The following SDR16C5 variants were observed in gnomAD, a reference collection of about 807,000 sequenced individuals.
The protein encoded by SDR16C5 is short chain dehydrogenase/reductase family 16C member 5.
A neutral mutation model predicts 27.7 loss-of-function variants in SDR16C5; 20 were observed. That is an observed-to-expected ratio of 0.72 (90% CI 0.51 to 1.05). The LOEUF (loss-of-function observed/expected upper bound fraction) is 1.05. Among genes scored for constraint, SDR16C5 ranks in the 50% least tolerant of loss-of-function variants. The pLI, the probability that SDR16C5 is intolerant of heterozygous loss-of-function variation, is 0.00. For synonymous variants in SDR16C5, 139 were observed against 132.3 expected (o/e 1.05, Z -0.35); for missense variants, 374 against 366.3 (o/e 1.02, Z -0.17).
chr8:56,301,308 A>G lies in SDR16C5; in HGVS notation c.*172T>C, dbSNP rs1814747648. On this transcript the variant is annotated 3_prime_UTR_variant, in exon 7 of 7. Transcript: ENST00000303749. ...ACCAAAACTCAACCAAATAGGTGAT[A>G]GCAACATTATTTTCAAACACATTGA... is the stretch of plus-strand genomic sequence containing the variant. 3.6e-6 allele frequency: 2 copies of G among 561,480 alleles called. No individual in the cohort carries two copies. Among genetic ancestry groups the G allele is most frequent in the Non-Finnish European group, 3.2e-6 (1 of 312,988 alleles). 34.8% of individuals were successfully genotyped at this position (561,480 alleles called of 1,614,324 possible).
intron 2 of SDR16C5, among the ~76,000 whole-genome samples, chr8:56,312,836 G>A (rs1029794497): frequency 6.7e-6 from 1 of 149,006 alleles, no homozygotes; most frequent in Non-Finnish European, 1.5e-5. Context: ...GAGTGCAGTG[G>A]CACGATCTTG....
intron 5 of SDR16C5, among the ~76,000 whole-genome samples, chr8:56,306,059 T>C (rs1049622726): frequency 2.0e-5 from 3 of 152,210 alleles, no homozygotes; most frequent in Non-Finnish European, 2.9e-5. Context: ...GAATTGGGCA[T>C]CTGTGACTGC....
rs1466427951 is a variant in SDR16C5, at chr8:56,306,803, A to G, written c.583T>C (p.Phe195Leu). The change falls in exon 5 of 7, where the codon TTT becomes CTT. Residue 195 changes from phenylalanine (F) to leucine (L), a missense_variant. By Grantham distance (22) the Phe-to-Leu change is conservative (BLOSUM62 0). Transcript: ENST00000303749. ...GATTCAGCAAACCCAAAGGCTGCAA[A>G]TTTACTTGCACAGTAATCTGAAAAA... Reference protein sequence around the residue: ...NGLADYCASKFAAFGFAESVF... With the variant: ...NGLADYCASKLAAFGFAESVF... The G allele has an allele frequency of 6.2e-7, 1 of 1,611,182 alleles. No individual in the cohort carries two copies. Among genetic ancestry groups the G allele is most frequent in the Admixed American group, 1.7e-5 (1 of 59,370 alleles).
chr8:56,312,908 C>T (rs1815086143), intron 2 of SDR16C5, among the ~76,000 whole-genome samples: 1 of 151,654 alleles, frequency 6.6e-6, no homozygotes, highest in African/African-American at 2.4e-5. Context: ...TCCCAAGTAG[C>T]TAGGACTACA....
intron 1 of SDR16C5, among the ~76,000 whole-genome samples, chr8:56,317,671 T>C (rs576134647): frequency 1.3e-5 from 2 of 152,322 alleles, no homozygotes; most frequent in African/African-American, 4.8e-5. Flanking sequence ...CAGGAGGACT[T>C]GGTATGTGGT....
At chr8:56,318,921 T>G (rs1268044821) in intron 1 of SDR16C5, among the ~76,000 whole-genome samples, 1 of 152,118 alleles carries the variant, frequency 6.6e-6, no homozygotes, top group Non-Finnish European at 1.5e-5. Context: ...TCCAGATATA[T>G]CACTGATTTT....
At chr8:56,309,135 A>G in intron 3 of SDR16C5, 108 bp from the exon 4 acceptor site, 1 of 966,350 alleles carries the variant, frequency 1.0e-6, no homozygotes, top group East Asian at 3.0e-5. Context: ...CAGCCTGTAA[A>G]ATATCTGAAG....
intron 3 of SDR16C5, among the ~76,000 whole-genome samples, chr8:56,311,549 C>G (rs569360983): frequency 3.9e-5 from 6 of 152,310 alleles, no homozygotes; most frequent in African/African-American, 1.4e-4. Context: ...CAGAAACATG[C>G]AACTTCTGGA....
intron 1 of SDR16C5, among the ~76,000 whole-genome samples, 185 bp from the exon 2 acceptor site, chr8:56,316,546 C>A (rs944326569): frequency 6.6e-5 from 10 of 152,200 alleles, no homozygotes; most frequent in Admixed American, 5.2e-4. Context: ...TATACTTATT[C>A]GGCTTTCTTA....
intron 4 of SDR16C5, among the ~76,000 whole-genome samples, chr8:56,308,704 C>CT (rs1814947207): frequency 6.6e-6 from 1 of 152,008 alleles, no homozygotes; most frequent in Non-Finnish European, 1.5e-5. Context: ...ACACAGGGTA[C>CT]TGCATAAGAC....
chr8:56,310,100 G>GAGGAAGGAGGAGGAGA (rs1814987655), intron 3 of SDR16C5, among the ~76,000 whole-genome samples: 1 of 140,218 alleles, frequency 7.1e-6, no homozygotes, highest in Non-Finnish European at 1.5e-5. Flanking sequence ...GGAGGAAGAG[G>GAGGAAGGAGGAGGAGA]AGGAAGGAGG....
In SDR16C5 at chr8:56,306,764, T is replaced by C; in HGVS notation, c.622A>G (p.Thr208Ala). The C allele has an allele frequency of 6.2e-7, 1 of 1,613,512 alleles. No individual in the cohort carries two copies. Among genetic ancestry groups the C allele is most frequent in the Non-Finnish European group, 8.5e-7 (1 of 1,179,888 alleles). ...ATCCCCTTTTGTTTTTGGACAAATG[T>C]TTCTACAAATACAGATTCAGCAAAC... ...FGFAESVFVE[T>A]FVQKQKGIKT... is the part of the protein sequence containing the mutation. Residue 208 changes from threonine (T) to alanine (A), a missense_variant, in exon 5 of 7, where the codon ACA (threonine) becomes GCA (alanine). Thr to Ala is a moderately conservative substitution (Grantham distance 58, BLOSUM62 0). Coordinates refer to ENST00000303749, the MANE Select transcript of SDR16C5 (RefSeq NM_138969.4).
At chr8:56,313,944 C>T (rs1815118065) in intron 2 of SDR16C5, among the ~76,000 whole-genome samples, 2 of 152,172 alleles carry the variant, frequency 1.3e-5, no homozygotes. Flanking sequence ...CGCGGTAGCT[C>T]ACACCTGTAA....
Position 56,310,335 on chromosome 8 carries a change from A to G in SDR16C5, c.466-1308T>C, listed in dbSNP as rs199995011. Among the ~76,000 whole-genome samples the G allele has an allele frequency of 4.2e-4, 42 of 100,194 alleles. 6 individuals are homozygous for G. In the East Asian group the frequency reaches 0.012, roughly 28 times the overall value. 65.7% of individuals were successfully genotyped at this position (100,194 alleles called of 152,430 possible). A position where few individuals can be genotyped will look rare whatever the true frequency, so the allele number is the denominator to read the frequency against. ...AGGAGGAGGAGGAAGGAGGAGGAGG[A>G]GGAAGGAGGAAGAGGAAGAAGAAGA... On this transcript the variant is annotated intron_variant, in intron 3 of 6. Coordinates refer to ENST00000303749, the MANE Select transcript of SDR16C5 (RefSeq NM_138969.4).
chr8:56,305,745 T>C lies in SDR16C5; in HGVS notation c.711-23A>G, dbSNP rs189396834. 929 of 1,564,442 alleles carry C rather than the reference T, an allele frequency of 5.9e-4. 26 individuals carry two copies. The East Asian group carries it at 0.021, about 36-fold the overall frequency. Reference sequence around the variant, plus strand: ...CAGCTAGGATATAAAATGACAACAATTAAAAAAAACCCTGAAGGCCAAATT... The same window carrying C: ...CAGCTAGGATATAAAATGACAACAACTAAAAAAAACCCTGAAGGCCAAATT... On this transcript the variant is annotated intron_variant, in intron 5 of 6. Coordinates refer to ENST00000303749, the MANE Select transcript of SDR16C5 (RefSeq NM_138969.4).
chr8:56,319,124 G>GAAAAAAAAA (rs11372550), intron 1 of SDR16C5, among the ~76,000 whole-genome samples: 1 of 134,874 alleles, frequency 7.4e-6, no homozygotes, highest in African/African-American at 2.8e-5. Context: ...GAACAAATTA[G>GAAAAAAAAA]AAAAAAAAAA....
chr8:56,309,350 C>T (rs1585912647), intron 3 of SDR16C5: 1 of 985,354 alleles, frequency 1.0e-6, no homozygotes, highest in Non-Finnish European at 1.2e-6. Context: ...CAACCCCAAA[C>T]CTCACAAACA....
rs566238369 is a variant in SDR16C5, at chr8:56,306,571, G to A, written c.710+105C>T. ...TCTAAAACCATTTATAAATCATACTGAATCCCAGAACAATATATTTTAAAC... is the reference window on the plus strand; with the variant it reads ...TCTAAAACCATTTATAAATCATACTAAATCCCAGAACAATATATTTTAAAC... On this transcript the variant is annotated intron_variant, in intron 5 of 6. Transcript: ENST00000303749. The A allele has an allele frequency of 2.9e-6, 3 of 1,036,456 alleles. No individual in the cohort carries two copies. In the South Asian group the frequency reaches 5.5e-5, roughly 19 times the overall value. 64.2% of individuals were successfully genotyped at this position (1,036,456 alleles called of 1,614,324 possible).
Position 56,301,516 on chromosome 8 carries a change from T to G in SDR16C5, c.894A>C (p.Ala298=). The part of the protein sequence containing the change: ...LIADYLGILH[A]MDGFVDQKKK... ...TCTTTTGGTCAACAAAGCCATCCATTGCATGAAGGATGCCCAAATAGTCAG... is the reference window on the plus strand; with the variant it reads ...TCTTTTGGTCAACAAAGCCATCCATGGCATGAAGGATGCCCAAATAGTCAG... The change falls in exon 7 of 7, where the codon GCA becomes GCC. Residue 298 remains alanine (A), a synonymous_variant. Transcript: ENST00000303749. 1 of 1,614,190 alleles carries G rather than the reference T, an allele frequency of 6.2e-7. No homozygotes were observed. Among genetic ancestry groups the G allele is most frequent in the Non-Finnish European group, 8.5e-7 (1 of 1,179,992 alleles).
Sources: allele counts gnomAD v4.1 joint callset (sites outside exome capture counted in the v4.1 genomes callset), GRCh38; gene constraint gnomAD v4.1.1; transcripts MANE v1.5; gene names NCBI Gene and HGNC (gene_info 2026-07-23, HGNC 2026-07-21).